Variants in FOXN1 observed in about 807,000 individuals in gnomAD.
The protein encoded by FOXN1 is forkhead box protein N1.
Under a neutral mutation model 49.0 loss-of-function variants are expected in FOXN1, and 15 were observed. The ratio of observed to expected loss-of-function variants is 0.31; its 90% CI spans 0.20 to 0.47. The LOEUF (loss-of-function observed/expected upper bound fraction) is 0.47, where lower values mean the gene tolerates loss of function less well. FOXN1 is among the 20% of genes least tolerant of loss of function. FOXN1 has a pLI of 1.00. For missense variants in FOXN1, 800 were observed against 842.8 expected, an observed-to-expected ratio of 0.95 and a Z score of 0.63; for synonymous variants, 356 against 369.0, an observed-to-expected ratio of 0.96 and a Z score of 0.40.
rs1041811572 is a variant in FOXN1 at position 28,518,203 on chromosome 17, G to A, written c.-14-5753G>A. 3.0e-4 allele frequency among the ~76,000 whole-genome samples: 46 copies of A among 151,126 alleles called. 1 individual carries two copies. ...TCCATAGGGTACACACATCCACAGG[G>A]TACACACCTCCGCAGGGTACACTCC... On this transcript the variant is annotated intron_variant, in intron 1 of 8. Transcript: ENST00000579795.
At chr17:28,509,248 G>A (rs912422728) in intron 1 of FOXN1, among the ~76,000 whole-genome samples, 3 of 147,160 alleles carry the variant, frequency 2.0e-5, no homozygotes, top group African/African-American at 7.5e-5. Context: ...CCTTCCACCC[G>A]TCTCTGTCTC....
At chr17:28,525,109 T>C in intron 3 of FOXN1, 142 bp downstream of exon 3, 1 of 722,006 alleles carries the variant, frequency 1.4e-6, no homozygotes, top group African/African-American at 1.7e-5. Flanking sequence ...TGGGGCCTCC[T>C]GGTCAGCTGG....
chr17:28,516,891 TCCATACCTCCACAAGG>T (rs2069519632), intron 1 of FOXN1, among the ~76,000 whole-genome samples: 2 of 38,566 alleles, frequency 5.2e-5, no homozygotes, highest in Non-Finnish European at 6.8e-5. Context: ...CTCCACAGGA[TCCATACCTCCACAAGG>T]ACACACCTCC....
At chr17:28,531,035 G>T (rs1055350428) in intron 6 of FOXN1, among the ~76,000 whole-genome samples, 190 bp downstream of exon 6, 4 of 152,310 alleles carry the variant, frequency 2.6e-5, no homozygotes, top group Admixed American at 2.6e-4. Flanking sequence ...GCTCCAAGTG[G>T]GGAACAGAGA....
intron 1 of FOXN1, among the ~76,000 whole-genome samples, chr17:28,520,942 G>T (rs750593265): frequency 6.6e-6 from 1 of 152,170 alleles, no homozygotes; most frequent in Non-Finnish European, 1.5e-5. Context: ...TCAGCCAATC[G>T]CCCCAGGACT....
chr17:28,530,401 G>A (rs952235285), intron 5 of FOXN1, among the ~76,000 whole-genome samples: 9 of 152,126 alleles, frequency 5.9e-5, no homozygotes, highest in Non-Finnish European at 1.2e-4. Flanking sequence ...TTTAATGAGT[G>A]CCTTCTATGT....
chr17:28,537,304 C>T lies in FOXN1; in HGVS notation c.1815C>T (p.Ser605=), dbSNP rs369425799. Residue 605 remains serine, a synonymous_variant, in exon 9 of 9, where the codon TCC becomes TCT. Transcript: ENST00000579795. ...TGGCAGCCCCGGGCAGTGGTGGCTC[C>T]GGGGCACTGGGTGACCTGCACCTCA... ...GDLAAPGSGG[S]GALGDLHLTT... 2.9e-5 allele frequency: 46 copies of T among 1,613,706 alleles called. No homozygotes were observed. Among genetic ancestry groups the T allele is most frequent in the East Asian group, 1.8e-4 (8 of 44,886 alleles).
At chr17:28,507,550 T>C (rs2069290692) in intron 1 of FOXN1, among the ~76,000 whole-genome samples, 1 of 152,042 alleles carries the variant, frequency 6.6e-6, no homozygotes, top group Non-Finnish European at 1.5e-5. Context: ...CCCCTCCTAG[T>C]TTTCCTAATC....
intron 1 of FOXN1, among the ~76,000 whole-genome samples, chr17:28,523,741 T>C (rs1241403145): frequency 6.6e-6 from 1 of 152,138 alleles, no homozygotes; most frequent in Non-Finnish European, 1.5e-5. Flanking sequence ...GGGTCTGATC[T>C]CTCTGCTCTG....
chr17:28,516,844 C>T (rs1455962732), intron 1 of FOXN1, among the ~76,000 whole-genome samples: 2 of 64,022 alleles, frequency 3.1e-5, no homozygotes, highest in Non-Finnish European at 3.8e-5. Context: ...ACAGGGTACA[C>T]ACCTCCACAG....
chr17:28,535,076 G>A lies in FOXN1; in HGVS notation c.1505G>A (p.Ser502Asn). ...PLPAHTPPSH[S>N]AKLLAEPSPA... ...CCTGCCCACACCCCACCCAGCCACAGTGCCAAGCTACTGGCCGAGCCTTCC... is the reference window on the plus strand; with the variant it reads ...CCTGCCCACACCCCACCCAGCCACAATGCCAAGCTACTGGCCGAGCCTTCC... Residue 502 changes from serine (S) to asparagine (N), a missense_variant, in exon 8 of 9, where the codon AGT (serine) becomes AAT (asparagine). Ser to Asn is a conservative substitution (Grantham distance 46). Transcript: ENST00000579795. 1 of 1,609,008 alleles carries A rather than the reference G, an allele frequency of 6.2e-7. No homozygotes were observed. The highest frequency in any genetic ancestry group is 8.5e-7 in the Non-Finnish European group (1 of 1,176,470).
At chr17:28,515,866 T>C (rs1162209565) in intron 1 of FOXN1, among the ~76,000 whole-genome samples, 1 of 151,344 alleles carries the variant, frequency 6.6e-6, no homozygotes, top group Non-Finnish European at 1.5e-5. Context: ...CTCCACAGGG[T>C]ACACACTTCC....
intron 3 of FOXN1, 100 bp from the exon 4 acceptor site, chr17:28,527,139 TAAGCTTTGGGGG>T (rs1743889511): frequency 2.7e-5 from 20 of 748,748 alleles, no homozygotes; most frequent in Non-Finnish European, 2.4e-6. Context: ...TCTCCAGGAA[TAAGCTTTGGGGG>T]AAGCAGAATA....
chr17:28,537,290 G>A lies in FOXN1; in HGVS notation c.1801G>A (p.Gly601Ser). ...TGGGGCAGGTGACTTGGCAGCCCCGGGCAGTGGTGGCTCCGGGGCACTGGG... is the reference window on the plus strand; with the variant it reads ...TGGGGCAGGTGACTTGGCAGCCCCGAGCAGTGGTGGCTCCGGGGCACTGGG... ...GSGAGDLAAP[G>S]SGGSGALGDL... The change falls in exon 9 of 9, where the codon GGC becomes AGC. Residue 601 changes from glycine to serine, a missense_variant. By Grantham distance (56) the Gly-to-Ser change is moderately conservative (BLOSUM62 0). Transcript: ENST00000579795. 6.2e-7 allele frequency: 1 copy of A among 1,613,944 alleles called. No individual in the cohort carries two copies. Among genetic ancestry groups the A allele is most frequent in the South Asian group, 1.1e-5 (1 of 91,074 alleles).
At chr17:28,514,935 T>TG (rs1170624739) in intron 1 of FOXN1, among the ~76,000 whole-genome samples, 1 of 152,084 alleles carries the variant, frequency 6.6e-6, no homozygotes, top group East Asian at 1.9e-4. Context: ...GTTACCAAGG[T>TG]GGGGCCGTGT....
At chr17:28,507,813 C>A (rs2151471501) in intron 1 of FOXN1, among the ~76,000 whole-genome samples, 1 of 152,312 alleles carries the variant, frequency 6.6e-6, no homozygotes, top group Admixed American at 6.5e-5. Flanking sequence ...AAGGGCACCC[C>A]GAGTGGATGG....
chr17:28,537,427 C>A lies in FOXN1; in HGVS notation c.1938C>A (p.Ala646=). 6.2e-7 allele frequency: 1 copy of A among 1,612,310 alleles called. No individual in the cohort carries two copies. Among genetic ancestry groups the A allele is most frequent in the Non-Finnish European group, 8.5e-7 (1 of 1,178,982 alleles). Reference sequence around the variant, plus strand: ...TCAGCCCCAGCTCCAAGCCCGTGGCCCTGGCATGAGCTGTGCCCAGCTTCG... The same window carrying A: ...TCAGCCCCAGCTCCAAGCCCGTGGCACTGGCATGAGCTGTGCCCAGCTTCG... The part of the protein sequence containing the change: ...VYLSPSSKPV[A]LA The change falls in exon 9 of 9, where the codon GCC becomes GCA. Residue 646 remains alanine (A), a synonymous_variant. Transcript: ENST00000579795.
chr17:28,510,661 C>G (rs1408561586), intron 1 of FOXN1, among the ~76,000 whole-genome samples: 1 of 152,096 alleles, frequency 6.6e-6, no homozygotes, highest in East Asian at 1.9e-4. Flanking sequence ...ACTTAGCACC[C>G]CTCCTCCACG....
chr17:28,527,744 T>C (rs1402880514), intron 4 of FOXN1, among the ~76,000 whole-genome samples: 2 of 152,188 alleles, frequency 1.3e-5, no homozygotes, highest in Non-Finnish European at 2.9e-5. Flanking sequence ...GAACAAGGGC[T>C]TCTGTATAGT....
Sources: gnomAD v4.1 joint callset for allele counts (sites outside exome capture counted in the v4.1 genomes callset) on GRCh38, gnomAD v4.1.1 for gene constraint, MANE v1.5 for transcripts, NCBI Gene and HGNC (gene_info 2026-07-23, HGNC 2026-07-21) for gene names.